DLST: variants seen among roughly 807,000 people sequenced by gnomAD.
DLST encodes dihydrolipoamide S-succinyltransferase.
DLST carries 17 observed loss-of-function variants against 53.1 expected under a neutral mutation model. The ratio of observed to expected loss-of-function variants is 0.32; its 90% CI spans 0.22 to 0.48. DLST has a LOEUF of 0.48. Ranked by LOEUF, DLST falls within the 20% of genes least tolerant of loss-of-function variation. DLST has a pLI of 0.99. For missense variants in DLST, 512 were observed against 583.9 expected (o/e 0.88, Z 1.27); for synonymous variants, 206 against 204.8 (o/e 1.01, Z -0.05).
In DLST at chr14:74,899,994, C is replaced by T. The variant is rs866393242; in HGVS notation, c.973C>T (p.Arg325Trp). Residue 325 changes from arginine (R) to tryptophan (W), a missense_variant and splice_region_variant, in exon 12 of 15, where the codon CGG becomes TGG. Arg to Trp is a moderately radical substitution (Grantham distance 101). This residue lies in a region of DLST where 186 missense variants were observed against 260.4 expected (regional missense o/e 0.71). Coordinates refer to ENST00000334220, the MANE Select transcript of DLST (RefSeq NM_001933.5). The part of the protein sequence containing the change: ...IDISVAVATP[R>W]GLVVPVIRNV... ...CATCAGTGTTGCAGTGGCCACCCCA[C>T]GGGTATGTTGGGGCAGGAGGTGGGG... The T allele has an allele frequency of 1.9e-5, 31 of 1,612,562 alleles. No homozygotes were observed. The highest frequency in any genetic ancestry group is 8.8e-5 in the South Asian group (8 of 91,002).
At chr14:74,884,695 A>G (rs1186475127) in intron 2 of DLST, among the ~76,000 whole-genome samples, 1 of 152,192 alleles carries the variant, frequency 6.6e-6, no homozygotes, top group East Asian at 1.9e-4. Flanking sequence ...AAAACATACT[A>G]TGCTTAGAAT....
At chr14:74,886,701 G>A (rs181375233) in intron 3 of DLST, among the ~76,000 whole-genome samples, 1 of 152,066 alleles carries the variant, frequency 6.6e-6, no homozygotes, top group African/African-American at 2.4e-5. Context: ...ATTTTGGAGG[G>A]CAGTTTGATA....
At chr14:74,892,767 C>G in intron 7 of DLST, 67 bp from the exon 8 acceptor site, 1 of 1,515,832 alleles carries the variant, frequency 6.6e-7, no homozygotes, top group South Asian at 1.3e-5. Context: ...GTTTTTGCCA[C>G]TAAATTTTGC....
At chr14:74,886,940 T>C (rs1339717495) in intron 3 of DLST, among the ~76,000 whole-genome samples, 5 of 151,942 alleles carry the variant, frequency 3.3e-5, no homozygotes, top group Admixed American at 3.3e-4. Flanking sequence ...GGTTTCATCT[T>C]GTTGGCCAGG....
chr14:74,899,864 C>T (rs1884185485), intron 11 of DLST, 59 bp from the exon 12 acceptor site: 1 of 1,351,134 alleles, frequency 7.4e-7, no homozygotes, highest in Admixed American at 1.8e-5. Flanking sequence ...GCACATATTA[C>T]CTCATTAGTC....
chr14:74,899,879 C>A, intron 11 of DLST, 44 bp from the exon 12 acceptor site: 1 of 1,499,950 alleles, frequency 6.7e-7, no homozygotes, highest in Non-Finnish European at 9.2e-7. Flanking sequence ...TTAGTCTTGG[C>A]CTTCCTGGGG....
intron 3 of DLST, among the ~76,000 whole-genome samples, chr14:74,887,379 A>G (rs930976013): frequency 1.3e-5 from 2 of 152,326 alleles, no homozygotes; most frequent in African/African-American, 4.8e-5. Context: ...TGGGGCAATC[A>G]TGACTCTCTA....
chr14:74,891,857 A>G (rs897316385), intron 7 of DLST: 41 of 985,352 alleles, frequency 4.2e-5, no homozygotes, highest in Non-Finnish European at 4.6e-5. Flanking sequence ...TTAGTCAGGC[A>G]AGACCAGAAG....
At position 74,900,965 on chromosome 14, in the gene DLST, G is replaced by T. The variant is rs1566796170; in HGVS notation, c.1060-101G>T. 3.0e-6 allele frequency: 4 copies of T among 1,352,926 alleles called. No individual in the cohort carries two copies. In the East Asian group the frequency reaches 7.0e-5, roughly 24 times the overall value. The allele number at this position is 1,352,926 out of a possible 1,614,324, so 83.8% of individuals were successfully genotyped here. A position where few individuals can be genotyped will look rare whatever the true frequency, so the allele number is the denominator to read the frequency against. On this transcript the variant is annotated intron_variant, in intron 13 of 14. Coordinates refer to ENST00000334220, the MANE Select transcript of DLST (RefSeq NM_001933.5). ...GGCCTTGAACTCCTGGCCTCAAGCAGTCCTCCTGCCTCGGCCTCCCAAAGC... is the reference window on the plus strand; with the variant it reads ...GGCCTTGAACTCCTGGCCTCAAGCATTCCTCCTGCCTCGGCCTCCCAAAGC...
chr14:74,889,406 G>C, intron 5 of DLST, 57 bp downstream of exon 5: 1 of 1,382,590 alleles, frequency 7.2e-7, no homozygotes, highest in Non-Finnish European at 9.7e-7. Flanking sequence ...GTCTTGCTCT[G>C]TTCCCAGCCT....
rs1229419015 is a variant in DLST at position 74,882,598 on chromosome 14, G to A, written c.71G>A (p.Cys24Tyr). The change falls in exon 2 of 15, where the codon TGC becomes TAC. Residue 24 changes from cysteine (C) to tyrosine (Y), a missense_variant. Coordinates refer to ENST00000334220, the MANE Select transcript of DLST (RefSeq NM_001933.5). ...RSLSAFQKGN[C>Y]PLGRRSLPGV... ...TGTCTTCTTTCTCAACAGGGGAACT[G>A]CCCTCTAGGGAGACGTTCCCTGCCT... 6.2e-7 allele frequency: 1 copy of A among 1,613,846 alleles called. No individual in the cohort carries two copies. Among genetic ancestry groups the A allele is most frequent in the Non-Finnish European group, 8.5e-7 (1 of 1,179,944 alleles).
At chr14:74,894,252 C>G (rs992640392) in intron 9 of DLST, 60 bp from the exon 10 acceptor site, 7 of 1,592,332 alleles carry the variant, frequency 4.4e-6, no homozygotes, top group African/African-American at 2.7e-5. Flanking sequence ...TCTGACTACA[C>G]GGGGAATGCT....
chr14:74,901,988 C>T (rs7151764), intron 14 of DLST, among the ~76,000 whole-genome samples: 4,397 of 152,182 alleles, frequency 0.029, 158 homozygotes, highest in African/African-American at 0.077. Flanking sequence ...TGTGAGAAGA[C>T]AGTTTTCTTG....
At position 74,882,644 on chromosome 14, in the gene DLST, T is replaced by G. The variant is rs1302475309; in HGVS notation, c.97+20T>G. On this transcript the variant is annotated intron_variant, in intron 2 of 14. Transcript: ENST00000334220. ...TGCCTGGTAAGTTCTGCCCTTACCGTCACCTAAAATGCTCTCCTCCTGGGC... is the reference window on the plus strand; with the variant it reads ...TGCCTGGTAAGTTCTGCCCTTACCGGCACCTAAAATGCTCTCCTCCTGGGC... 1.2e-6 allele frequency: 2 copies of G among 1,612,688 alleles called. No homozygotes were observed. Among genetic ancestry groups the G allele is most frequent in the Non-Finnish European group, 8.5e-7 (1 of 1,179,026 alleles).
In DLST at chr14:74,881,964, G is replaced by C. The variant is rs774943636; in HGVS notation, c.11G>C (p.Arg4Pro). MLS[R>P]SRCVSRAFSR... ...GGCTCCTCCGCCGTGATGCTGTCCCGATCCCGCTGTGTGTCTCGGGCGTTC... is the reference window on the plus strand; with the variant it reads ...GGCTCCTCCGCCGTGATGCTGTCCCCATCCCGCTGTGTGTCTCGGGCGTTC... The change falls in exon 1 of 15, where the codon CGA becomes CCA. Residue 4 changes from arginine (R) to proline (P), a missense_variant. Transcript: ENST00000334220. The C allele has an allele frequency of 6.4e-7, 1 of 1,566,926 alleles. No individual in the cohort carries two copies. The highest frequency in any genetic ancestry group is 8.6e-7 in the Non-Finnish European group (1 of 1,164,160).
chr14:74,882,491 T>C (rs1883559397), intron 1 of DLST, 100 bp from the exon 2 acceptor site: 1 of 1,196,874 alleles, frequency 8.4e-7, no homozygotes, highest in Admixed American at 1.9e-5. Flanking sequence ...GAGATTCACC[T>C]GTCACCACCA....
At position 74,889,262 on chromosome 14, in the gene DLST, G is replaced by T. The variant is rs747517093; in HGVS notation, c.200-13G>T. On this transcript the variant is annotated splice_polypyrimidine_tract_variant and intron_variant, in intron 4 of 14. Coordinates refer to ENST00000334220, the MANE Select transcript of DLST (RefSeq NM_001933.5). ...TGAACTACTTATGATTTTCTTTTTT[G>T]CATTTTTCCTAGAGGATGACTTGGT... 1 of 1,611,142 alleles carries T rather than the reference G, an allele frequency of 6.2e-7. No individual in the cohort carries two copies. Among genetic ancestry groups the T allele is most frequent in the Non-Finnish European group, 8.5e-7 (1 of 1,179,172 alleles).
At chr14:74,882,494 C>T (rs1273352311) in intron 1 of DLST, 97 bp from the exon 2 acceptor site, 1 of 1,243,800 alleles carries the variant, frequency 8.0e-7, no homozygotes, top group East Asian at 2.3e-5. Context: ...ATTCACCTGT[C>T]ACCACCACTG....
At chr14:74,902,125 T>C in intron 14 of DLST, 71 bp from the exon 15 acceptor site, 1 of 1,450,726 alleles carries the variant, frequency 6.9e-7, no homozygotes, top group Non-Finnish European at 9.2e-7. Context: ...TTATGGGCTG[T>C]GCTAAATCTC....
Sources: allele counts gnomAD v4.1 joint callset (sites outside exome capture counted in the v4.1 genomes callset), GRCh38; gene constraint gnomAD v4.1.1; regional missense constraint gnomAD v4.1.1; transcripts MANE v1.5; gene names NCBI Gene and HGNC (gene_info 2026-07-23, HGNC 2026-07-21).